The following PHYHIPL variants were observed in gnomAD, a reference collection of about 807,000 sequenced individuals.
The protein encoded by PHYHIPL is phytanoyl-CoA 2-hydroxylase interacting protein like.
A neutral mutation model predicts 33.4 loss-of-function variants in PHYHIPL; 9 were observed. That is an observed-to-expected ratio of 0.27 (90% CI 0.16 to 0.47). The LOEUF (loss-of-function observed/expected upper bound fraction) is 0.47. PHYHIPL is among the 20% of genes least tolerant of loss of function. PHYHIPL has a pLI of 0.99. For missense variants in PHYHIPL, 365 were observed against 460.7 expected (o/e 0.79, Z 1.90); for synonymous variants, 153 against 154.1 (o/e 0.99, Z 0.05).
chr10:59,243,023 C>G (rs1401111539), intron 4 of PHYHIPL, among the ~76,000 whole-genome samples: 1 of 151,294 alleles, frequency 6.6e-6, no homozygotes. Flanking sequence ...CCAAATTTGC[C>G]AAACAACATA....
intron 1 of PHYHIPL, among the ~76,000 whole-genome samples, chr10:59,232,284 G>T (rs73296188): frequency 0.054 from 8,207 of 152,056 alleles, 438 homozygotes; most frequent in African/African-American, 0.13. Flanking sequence ...AGTTAATCTA[G>T]TGGTTTTGTT....
chr10:59,193,810 G>A (rs1838840775), intron 1 of PHYHIPL, among the ~76,000 whole-genome samples: 1 of 151,978 alleles, frequency 6.6e-6, no homozygotes, highest in Non-Finnish European at 1.5e-5. Flanking sequence ...TGTGGTGCTT[G>A]TTAGCTTGAT....
intron 1 of PHYHIPL, among the ~76,000 whole-genome samples, chr10:59,178,121 C>G (rs901118509): frequency 5.9e-5 from 9 of 151,966 alleles, no homozygotes. Context: ...TTACGCATTG[C>G]TATTCAGCAC....
chr10:59,229,186 AG>A (rs1840009357), intron 1 of PHYHIPL, among the ~76,000 whole-genome samples: 2 of 152,206 alleles, frequency 1.3e-5, no homozygotes, highest in Non-Finnish European at 2.9e-5. Context: ...TCTTTCATAG[AG>A]GTAAATACTT....
intron 1 of PHYHIPL, among the ~76,000 whole-genome samples, chr10:59,208,198 C>T (rs945965859): frequency 3.9e-5 from 6 of 152,152 alleles, no homozygotes. Flanking sequence ...GGCGGATGCC[C>T]TTCTGGGAGG....
chr10:59,231,812 TATTA>T (rs745320806), intron 1 of PHYHIPL, among the ~76,000 whole-genome samples: 1 of 152,010 alleles, frequency 6.6e-6, no homozygotes, highest in Admixed American at 6.6e-5. Flanking sequence ...ATAAATCAAA[TATTA>T]ATTCACAAAG....
At chr10:59,207,989 G>T (rs191026848) in intron 1 of PHYHIPL, among the ~76,000 whole-genome samples, 69 of 152,216 alleles carry the variant, frequency 4.5e-4, no homozygotes, top group East Asian at 1.7e-3. Flanking sequence ...ACGGCTGTCG[G>T]CGCAGCTTTG....
chr10:59,233,871 A>G (rs975721067), intron 1 of PHYHIPL, among the ~76,000 whole-genome samples: 2 of 151,810 alleles, frequency 1.3e-5, no homozygotes, highest in African/African-American at 2.4e-5. Flanking sequence ...CTGTTTCTCT[A>G]TATAATGCTT....
upstream of PHYHIPL, among the ~76,000 whole-genome samples, chr10:59,175,748 A>C (rs953618625): frequency 2.0e-5 from 3 of 152,250 alleles, no homozygotes; most frequent in Non-Finnish European, 4.4e-5. Context: ...GTCAATCTTC[A>C]TTAGCTATTG....
In PHYHIPL at chr10:59,176,686, C is replaced by T; in HGVS notation, c.-168C>T. 2 of 598,826 alleles carry T rather than the reference C, an allele frequency of 3.3e-6. No individual in the cohort carries two copies. Among genetic ancestry groups the T allele is most frequent in the Non-Finnish European group, 5.8e-6 (2 of 347,278 alleles). The allele number at this position is 598,826 out of a possible 1,614,324, so 37.1% of individuals were successfully genotyped here. On this transcript the variant is annotated 5_prime_UTR_variant, in exon 1 of 5. Coordinates refer to ENST00000373880, the MANE Select transcript of PHYHIPL (RefSeq NM_032439.4). ...GAGCTCCTGCCACAGCCGTCGCCTTCGCGGCGGCTCTCCAGCCCCGCGCCT... is the reference window on the plus strand; with the variant it reads ...GAGCTCCTGCCACAGCCGTCGCCTTTGCGGCGGCTCTCCAGCCCCGCGCCT...
chr10:59,175,243 T>G (rs1838229600), upstream of PHYHIPL, among the ~76,000 whole-genome samples: 1 of 152,262 alleles, frequency 6.6e-6, no homozygotes, highest in African/African-American at 2.4e-5. Context: ...TCTTCATTAA[T>G]AAGTTCATAA....
At chr10:59,236,776 G>A (rs530497286) in intron 3 of PHYHIPL, 119 bp downstream of exon 3, 22 of 790,596 alleles carry the variant, frequency 2.8e-5, no homozygotes, top group South Asian at 1.1e-4. Context: ...CATTTTTTGC[G>A]TTGTCAGTAG....
At chr10:59,190,473 G>A (rs1286712535) in intron 1 of PHYHIPL, among the ~76,000 whole-genome samples, 1 of 151,822 alleles carries the variant, frequency 6.6e-6, no homozygotes, top group East Asian at 1.9e-4. Flanking sequence ...TCTGTATCTT[G>A]TATCATTCTG....
rs775594737 is a variant in PHYHIPL at position 59,247,750 on chromosome 10, A to G, written c.*2159A>G. The G allele has an allele frequency of 1.5e-5, 24 of 1,605,972 alleles. No individual in the cohort carries two copies. In the East Asian group the frequency reaches 4.9e-4, roughly 33 times the overall value. ...CTTTTGTGGACTTCTGCAAAACAAA[A>G]ATACATTTGTTAGTTCACAATGAAT... On this transcript the variant is annotated 3_prime_UTR_variant, in exon 5 of 5. Coordinates refer to ENST00000373880, the MANE Select transcript of PHYHIPL (RefSeq NM_032439.4).
chr10:59,244,899 T>C (rs1022065522), intron 4 of PHYHIPL, among the ~76,000 whole-genome samples, 158 bp from the exon 5 acceptor site: 9 of 152,216 alleles, frequency 5.9e-5, no homozygotes, highest in African/African-American at 1.9e-4. Flanking sequence ...CAGCCATCTA[T>C]AGGTAATATG....
intron 1 of PHYHIPL, among the ~76,000 whole-genome samples, chr10:59,186,084 T>A (rs1275801621): frequency 6.6e-6 from 1 of 152,174 alleles, no homozygotes; most frequent in Non-Finnish European, 1.5e-5. Flanking sequence ...TCTTCTAGGG[T>A]TTTTATGGTT....
intron 1 of PHYHIPL, among the ~76,000 whole-genome samples, chr10:59,228,487 G>A (rs1197739481): frequency 1.3e-5 from 2 of 151,964 alleles, no homozygotes; most frequent in East Asian, 3.9e-4. Flanking sequence ...TCCTTTCACT[G>A]AATTTTAAAG....
intron 1 of PHYHIPL, chr10:59,219,311 T>C (rs2393531): frequency 1.3e-6 from 1 of 763,716 alleles, no homozygotes; most frequent in African/African-American, 1.9e-5. Context: ...TTACGTAGTT[T>C]GATATTTATA....
At chr10:59,216,897 C>T (rs550437226) in intron 1 of PHYHIPL, among the ~76,000 whole-genome samples, 1 of 152,228 alleles carries the variant, frequency 6.6e-6, no homozygotes, top group South Asian at 2.1e-4. Context: ...AAACTATAGT[C>T]TCATTGATTC....
Sources: allele counts gnomAD v4.1 joint callset (sites outside exome capture counted in the v4.1 genomes callset), GRCh38; gene constraint gnomAD v4.1.1; transcripts MANE v1.5; gene names NCBI Gene and HGNC (gene_info 2026-07-23, HGNC 2026-07-21).